The following SELENOF variants were observed in gnomAD, a reference collection of about 807,000 sequenced individuals.
SELENOF encodes the protein 15 kDa selenoprotein.
SELENOF carries 16 observed loss-of-function variants against 20.5 expected under a neutral mutation model. That is an observed-to-expected ratio of 0.78 (90% CI 0.53 to 1.19). SELENOF has a LOEUF of 1.19. Among genes scored for constraint, SELENOF ranks in the 50% most tolerant of loss-of-function variants. The pLI is 0.00. For synonymous variants in SELENOF, 78 were observed against 74.5 expected (o/e 1.05, Z -0.24); for missense variants, 215 against 194.2 (o/e 1.11, Z -0.64).
intron 3 of SELENOF, among the ~76,000 whole-genome samples, chr1:86,874,444 T>C (rs1658872809): frequency 6.6e-6 from 1 of 152,224 alleles, no homozygotes; most frequent in African/African-American, 2.4e-5. Context: ...CCCTTAGGAC[T>C]TAGCAAGTCA....
intron 2 of SELENOF, among the ~76,000 whole-genome samples, chr1:86,899,198 C>T (rs1322949076): frequency 1.3e-5 from 2 of 151,570 alleles, no homozygotes; most frequent in East Asian, 3.9e-4. Flanking sequence ...TCCACACAGA[C>T]ACGGCAACCA....
chr1:86,874,744 GA>G (rs1658881046), intron 3 of SELENOF, among the ~76,000 whole-genome samples: 1 of 151,940 alleles, frequency 6.6e-6, no homozygotes, highest in South Asian at 2.1e-4. Context: ...AAATATAAAT[GA>G]AAAAAGAGAC....
chr1:86,867,527 C>CAAA (rs1428707318), intron 4 of SELENOF, among the ~76,000 whole-genome samples: 10 of 150,984 alleles, frequency 6.6e-5, no homozygotes, highest in Admixed American at 3.3e-4. Context: ...ACAACAACAA[C>CAAA]AAATCAGTGG....
chr1:86,871,664 A>C (rs1157889075), intron 3 of SELENOF, among the ~76,000 whole-genome samples: 1 of 152,206 alleles, frequency 6.6e-6, no homozygotes, highest in East Asian at 1.9e-4. Flanking sequence ...TACTAAACCT[A>C]CCACTGTATT....
At chr1:86,868,689 A>T (rs1658676787) in intron 3 of SELENOF, among the ~76,000 whole-genome samples, 1 of 152,128 alleles carries the variant, frequency 6.6e-6, no homozygotes, top group Non-Finnish European at 1.5e-5. Context: ...CTAATGAGTC[A>T]TGATAACTGC....
chr1:86,872,123 T>C (rs1420465369), intron 3 of SELENOF, among the ~76,000 whole-genome samples: 1 of 152,332 alleles, frequency 6.6e-6, no homozygotes, highest in Non-Finnish European at 1.5e-5. Flanking sequence ...AAGAAAGGGA[T>C]AGTGAAAAAC....
intron 2 of SELENOF, among the ~76,000 whole-genome samples, chr1:86,901,233 T>C (rs1208576130): frequency 5.9e-5 from 9 of 152,180 alleles, no homozygotes; most frequent in African/African-American, 2.2e-4. Context: ...GTATATTATA[T>C]ATATTGTGTT....
intron 3 of SELENOF, among the ~76,000 whole-genome samples, chr1:86,869,251 G>C (rs1175803789): frequency 6.6e-6 from 1 of 152,136 alleles, no homozygotes; most frequent in Non-Finnish European, 1.5e-5. Flanking sequence ...ACTTTATTCT[G>C]AGGAAATAAC....
chr1:86,911,058 CAG>C, intron 1 of SELENOF, among the ~76,000 whole-genome samples: 1 of 152,328 alleles, frequency 6.6e-6, no homozygotes, highest in East Asian at 1.9e-4. Context: ...ACAGGAAAGA[CAG>C]GGTACTTCCC....
At chr1:86,891,054 T>C (rs1335875862) in intron 2 of SELENOF, among the ~76,000 whole-genome samples, 1 of 126,260 alleles carries the variant, frequency 7.9e-6, no homozygotes, top group African/African-American at 2.9e-5. Context: ...CTATTTTTTC[T>C]TTTTTTTTTT....
chr1:86,882,542 G>C (rs1659104764), intron 2 of SELENOF, among the ~76,000 whole-genome samples: 1 of 150,410 alleles, frequency 6.6e-6, no homozygotes, highest in Non-Finnish European at 1.5e-5. Flanking sequence ...TGGAACCCTT[G>C]TACACTGCTG....
chr1:86,901,740 A>G (rs1482920036), intron 2 of SELENOF, among the ~76,000 whole-genome samples: 1 of 152,226 alleles, frequency 6.6e-6, no homozygotes, highest in Admixed American at 6.5e-5. Flanking sequence ...TTGTGGTGCA[A>G]GTTTGGTTCT....
chr1:86,903,500 G>T, intron 1 of SELENOF, 52 bp from the exon 2 acceptor site: 1 of 1,404,854 alleles, frequency 7.1e-7, no homozygotes. Context: ...ATACTACAAA[G>T]CTTTCCAAAA....
chr1:86,890,789 C>T (rs937229608), intron 2 of SELENOF, among the ~76,000 whole-genome samples: 1 of 151,826 alleles, frequency 6.6e-6, no homozygotes, highest in African/African-American at 2.4e-5. Context: ...GGATTACAGG[C>T]GTGAGCCATC....
At chr1:86,880,224 C>T (rs1190077145) in intron 3 of SELENOF, among the ~76,000 whole-genome samples, 1 of 151,936 alleles carries the variant, frequency 6.6e-6, no homozygotes, top group Admixed American at 6.6e-5. Context: ...CAACCTCTGC[C>T]TCCCGGGTTC....
intron 3 of SELENOF, 110 bp from the exon 4 acceptor site, chr1:86,868,212 T>C (rs1254879172): frequency 4.2e-6 from 2 of 470,676 alleles, no homozygotes; most frequent in African/African-American, 2.0e-5. Context: ...ATATCCTATA[T>C]GAAAAAACTA....
chr1:86,909,908 T>C (rs999341175), intron 1 of SELENOF, among the ~76,000 whole-genome samples: 1 of 152,078 alleles, frequency 6.6e-6, no homozygotes, highest in African/African-American at 2.4e-5. Context: ...GGGAGGCTGA[T>C]GCAGGAGAGT....
At chr1:86,884,408 C>G (rs1659163248) in intron 2 of SELENOF, among the ~76,000 whole-genome samples, 1 of 151,386 alleles carries the variant, frequency 6.6e-6, no homozygotes, top group Non-Finnish European at 1.5e-5. Context: ...CACGCACACA[C>G]ATATATATAT....
intron 2 of SELENOF, among the ~76,000 whole-genome samples, chr1:86,891,415 A>T (rs146071135): frequency 1.7e-4 from 26 of 152,288 alleles, no homozygotes; most frequent in African/African-American, 6.3e-4. Flanking sequence ...TAACCCAGGA[A>T]GAAATATTTA....
Sources: allele counts gnomAD v4.1 joint callset (sites outside exome capture counted in the v4.1 genomes callset), GRCh38; gene constraint gnomAD v4.1.1; transcripts MANE v1.5; gene names NCBI Gene and HGNC (gene_info 2026-07-23, HGNC 2026-07-21).